PRKCE: variants seen among roughly 807,000 people sequenced by gnomAD.
PRKCE encodes protein kinase C epsilon.
In PRKCE, 16 loss-of-function variants were observed where a neutral mutation model predicts 85.4. The ratio of observed to expected loss-of-function variants is 0.19; its 90% CI spans 0.13 to 0.28. The LOEUF (loss-of-function observed/expected upper bound fraction) is 0.28, where lower values mean the gene tolerates loss of function less well. Ranked by LOEUF, PRKCE falls within the 10% of genes least tolerant of loss-of-function variation. The pLI, the probability that PRKCE is intolerant of heterozygous loss-of-function variation, is 1.00. For synonymous variants in PRKCE, 388 were observed against 371.5 expected (o/e 1.04, Z -0.51); for missense variants, 573 against 975.2 (o/e 0.59, Z 5.49).
At chr2:46,003,881 A>G (rs6727448) in intron 7 of PRKCE, 33,621 of 153,562 alleles carry the variant, frequency 0.22, 4,074 homozygotes, top group African/African-American at 0.31. Flanking sequence ...AACACTGGGT[A>G]TTAGGAACAC....
chr2:45,935,380 C>G (rs1699367956), intron 2 of PRKCE, among the ~76,000 whole-genome samples: 1 of 152,146 alleles, frequency 6.6e-6, no homozygotes, highest in Non-Finnish European at 1.5e-5. Flanking sequence ...CGGCCTCAAG[C>G]TAAGAACTTT....
chr2:45,981,110 G>T (rs1702856835), intron 5 of PRKCE, among the ~76,000 whole-genome samples: 1 of 152,184 alleles, frequency 6.6e-6, no homozygotes, highest in East Asian at 1.9e-4. Context: ...GTTTGGTAGA[G>T]GTAAGGAAGC....
At chr2:45,867,138 G>A (rs934457717) in intron 2 of PRKCE, among the ~76,000 whole-genome samples, 1 of 152,162 alleles carries the variant, frequency 6.6e-6, no homozygotes, top group Admixed American at 6.5e-5. Flanking sequence ...AAGAATGATT[G>A]TCCTGCTTGC....
At position 45,918,972 on chromosome 2, in the gene PRKCE, A is replaced by G. The variant is rs546129002; in HGVS notation, c.413-57457A>G. Among the ~76,000 whole-genome samples, 537 of 152,306 alleles carry G rather than the reference A, an allele frequency of 3.5e-3. 3 individuals are homozygous for G. Among genetic ancestry groups the G allele is most frequent in the Non-Finnish European group, 4.8e-3 (325 of 68,024 alleles). ...CTCCTCTTCAGGGAGAGCTGGCATGATATGGCAGTGGCCAGGGTATGCCAG... is the reference window on the plus strand; with the variant it reads ...CTCCTCTTCAGGGAGAGCTGGCATGGTATGGCAGTGGCCAGGGTATGCCAG... On this transcript the variant is annotated intron_variant, in intron 2 of 14. Transcript: ENST00000306156.
chr2:45,996,524 T>C (rs1704231873), intron 6 of PRKCE, among the ~76,000 whole-genome samples: 1 of 152,346 alleles, frequency 6.6e-6, no homozygotes, highest in African/African-American at 2.4e-5. Context: ...CCTTGTTTAC[T>C]GAGATATTTT....
At chr2:45,729,498 C>A (rs892531580) in intron 1 of PRKCE, among the ~76,000 whole-genome samples, 1 of 152,200 alleles carries the variant, frequency 6.6e-6, no homozygotes, top group Non-Finnish European at 1.5e-5. Flanking sequence ...CCCTTCATTA[C>A]TTTCCGATTC....
chr2:46,150,429 G>A (rs1676506029), intron 12 of PRKCE, among the ~76,000 whole-genome samples: 1 of 152,194 alleles, frequency 6.6e-6, no homozygotes, highest in South Asian at 2.1e-4. Flanking sequence ...TGGGAATCAT[G>A]ATGAACAATA....
In PRKCE at chr2:46,178,192, G is replaced by A. The variant is rs183468750; in HGVS notation, c.2068-6543G>A. 3.9e-5 allele frequency among the ~76,000 whole-genome samples: 6 copies of A among 152,270 alleles called. No homozygotes were observed. In the East Asian group the frequency reaches 9.7e-4, roughly 25 times the overall value. Reference sequence around the variant, plus strand: ...GAAGAATTGCTTGAACCCGGGAGGCGGAGGTTGCAGTGAGCCAAGATTGTG... The same window carrying A: ...GAAGAATTGCTTGAACCCGGGAGGCAGAGGTTGCAGTGAGCCAAGATTGTG... On this transcript the variant is annotated intron_variant, in intron 14 of 14. Coordinates refer to ENST00000306156, the MANE Select transcript of PRKCE (RefSeq NM_005400.3).
chr2:46,087,264 G>A (rs11890344), intron 11 of PRKCE, among the ~76,000 whole-genome samples: 18,359 of 151,902 alleles, frequency 0.12, 1,417 homozygotes, highest in East Asian at 0.4. Context: ...AAGCCTAAAT[G>A]GACAGAAAGG....
In PRKCE at chr2:45,920,839, A is replaced by T. The variant is rs540151801; in HGVS notation, c.413-55590A>T. Among the ~76,000 whole-genome samples, 16 of 152,352 alleles carry T rather than the reference A, an allele frequency of 1.1e-4. No homozygotes were observed. In the South Asian group the frequency reaches 2.7e-3, roughly 26 times the overall value. Reference sequence around the variant, plus strand: ...AGTACATATCTCTGAATATACTAAAACAATTGAGTTGTACACTTTACATGG... The same window carrying T: ...AGTACATATCTCTGAATATACTAAATCAATTGAGTTGTACACTTTACATGG... On this transcript the variant is annotated intron_variant, in intron 2 of 14. Transcript: ENST00000306156.
At chr2:46,040,377 C>G (rs965196131) in intron 10 of PRKCE, among the ~76,000 whole-genome samples, 9 of 152,308 alleles carry the variant, frequency 5.9e-5, no homozygotes, top group Non-Finnish European at 1.2e-4. Context: ...ACTTGGAGGA[C>G]AGACAGATGG....
intron 11 of PRKCE, among the ~76,000 whole-genome samples, chr2:46,143,113 T>G (rs1362948573): frequency 6.6e-6 from 1 of 152,164 alleles, no homozygotes; most frequent in Admixed American, 6.5e-5. Flanking sequence ...CAGCTTCCTT[T>G]GACGTATTTC....
intron 11 of PRKCE, among the ~76,000 whole-genome samples, chr2:46,094,112 A>G (rs1322297783): frequency 6.6e-6 from 1 of 152,108 alleles, no homozygotes; most frequent in Non-Finnish European, 1.5e-5. Flanking sequence ...ATATTCTTGG[A>G]TACATTCTTT....
At chr2:45,858,458 G>A (rs770417359) in intron 2 of PRKCE, among the ~76,000 whole-genome samples, 47 of 151,844 alleles carry the variant, frequency 3.1e-4, no homozygotes, top group African/African-American at 9.7e-4. Context: ...ATTTAAATCA[G>A]ACTTACCCTC....
intron 10 of PRKCE, among the ~76,000 whole-genome samples, chr2:46,080,464 GT>G (rs1558430885): frequency 6.6e-6 from 1 of 152,222 alleles, no homozygotes; most frequent in Non-Finnish European, 1.5e-5. Flanking sequence ...TAGAAATGAT[GT>G]GGGGAAACCA....
chr2:45,927,019 G>C (rs1207875640), intron 2 of PRKCE, among the ~76,000 whole-genome samples: 4 of 152,108 alleles, frequency 2.6e-5, no homozygotes, highest in Admixed American at 1.3e-4. Flanking sequence ...GTGTATACAT[G>C]AACGTGTGAG....
At chr2:45,886,816 G>C (rs529374083) in intron 2 of PRKCE, among the ~76,000 whole-genome samples, 1 of 152,322 alleles carries the variant, frequency 6.6e-6, no homozygotes, top group Admixed American at 6.5e-5. Context: ...AAAAGTGTGG[G>C]AAAAGGTCCC....
chr2:45,974,839 G>A (rs984775473), intron 2 of PRKCE, among the ~76,000 whole-genome samples: 5 of 152,134 alleles, frequency 3.3e-5, no homozygotes, highest in East Asian at 1.9e-4. Flanking sequence ...GCCTTCCAGT[G>A]CATTTTAAGC....
chr2:46,071,193 C>T (rs550960975), intron 10 of PRKCE, among the ~76,000 whole-genome samples: 16 of 152,286 alleles, frequency 1.1e-4, no homozygotes, highest in Admixed American at 5.2e-4. Context: ...AAAATACCAT[C>T]GAATAATGTT....
Sources: gnomAD v4.1 joint callset for allele counts (sites outside exome capture counted in the v4.1 genomes callset) on GRCh38, gnomAD v4.1.1 for gene constraint, MANE v1.5 for transcripts, NCBI Gene and HGNC (gene_info 2026-07-23, HGNC 2026-07-21) for gene names.